The following NRXN3 variants were observed in gnomAD, a reference collection of about 807,000 sequenced individuals.
NRXN3 encodes neurexin III.
A neutral mutation model predicts 137.6 loss-of-function variants in NRXN3; 32 were observed. That is an observed-to-expected ratio of 0.23 (90% CI 0.18 to 0.31). NRXN3 has a LOEUF of 0.31. Among genes scored for constraint, NRXN3 ranks in the 10% least tolerant of loss-of-function variants. The probability of loss-of-function intolerance (pLI) is 1.00; values close to 1 mark genes in which losing one functional copy is unlikely to be tolerated. For missense variants in NRXN3, 1,574 were observed against 2,062.5 expected (o/e 0.76, Z 4.59); for synonymous variants, 798 against 784.5 (o/e 1.02, Z -0.29).
intron 15 of NRXN3, among the ~76,000 whole-genome samples, chr14:79,405,410 C>G (rs1428097046): frequency 7.9e-5 from 12 of 152,060 alleles, no homozygotes; most frequent in Admixed American, 7.9e-4. Context: ...AAGCAAGACT[C>G]TTGGGCACTT....
intron 4 of NRXN3, among the ~76,000 whole-genome samples, chr14:78,517,690 T>C (rs1383942368): frequency 6.6e-6 from 1 of 152,126 alleles, no homozygotes; most frequent in Non-Finnish European, 1.5e-5. Flanking sequence ...CAAGAAGGTG[T>C]TTTTGCCTTC....
intron 15 of NRXN3, among the ~76,000 whole-genome samples, chr14:79,125,833 A>G (rs2056322207): frequency 6.6e-6 from 1 of 152,120 alleles, no homozygotes; most frequent in African/African-American, 2.4e-5. Context: ...GTCAACTGCA[A>G]TGACACCGTA....
At chr14:78,862,020 A>G (rs927230002) in intron 10 of NRXN3, among the ~76,000 whole-genome samples, 1 of 152,168 alleles carries the variant, frequency 6.6e-6, no homozygotes, top group African/African-American at 2.4e-5. Flanking sequence ...CATGTGAACT[A>G]GAGTTTACAT....
chr14:79,744,756 T>C (rs1284826277), intron 19 of NRXN3, among the ~76,000 whole-genome samples: 1 of 152,026 alleles, frequency 6.6e-6, no homozygotes, highest in Non-Finnish European at 1.5e-5. Context: ...ATTCCTGAGT[T>C]CTAACTAGTG....
chr14:79,017,352 G>A (rs187361511), intron 15 of NRXN3, among the ~76,000 whole-genome samples: 1 of 151,572 alleles, frequency 6.6e-6, no homozygotes, highest in Admixed American at 6.6e-5. Flanking sequence ...CACTTAGAAA[G>A]ACTCATCCTA....
At chr14:78,610,814 G>A (rs79483382) in intron 4 of NRXN3, among the ~76,000 whole-genome samples, 3,141 of 152,270 alleles carry the variant, frequency 0.021, 108 homozygotes, top group East Asian at 0.18. Context: ...ACAATTACTC[G>A]GAACTCCACA....
chr14:79,183,118 C>T (rs2153139450), intron 15 of NRXN3, among the ~76,000 whole-genome samples: 1 of 152,230 alleles, frequency 6.6e-6, no homozygotes, highest in East Asian at 1.9e-4. Flanking sequence ...TGCTCTTGAT[C>T]TACTTTTATT....
At chr14:78,437,347 C>CTTTT (rs201830022) in intron 4 of NRXN3, among the ~76,000 whole-genome samples, 3 of 143,442 alleles carry the variant, frequency 2.1e-5, no homozygotes, top group Non-Finnish European at 3.1e-5. Flanking sequence ...TTTTCTTTTT[C>CTTTT]TTTTTTTTTT....
chr14:78,890,695 C>T (rs1186074248), intron 10 of NRXN3, among the ~76,000 whole-genome samples: 2 of 151,918 alleles, frequency 1.3e-5, no homozygotes, highest in East Asian at 3.9e-4. Flanking sequence ...AAGGGAAGGT[C>T]CAATCCTATA....
intron 15 of NRXN3, among the ~76,000 whole-genome samples, chr14:79,077,486 T>C (rs1023001106): frequency 3.9e-5 from 6 of 152,242 alleles, no homozygotes; most frequent in African/African-American, 1.4e-4. Context: ...CAGAATATAA[T>C]AAATTACTAT....
At chr14:78,427,449 A>G (rs1008181974) in intron 4 of NRXN3, among the ~76,000 whole-genome samples, 5 of 152,194 alleles carry the variant, frequency 3.3e-5, no homozygotes, top group Non-Finnish European at 7.3e-5. Flanking sequence ...AGTAAGTGAA[A>G]TATTTTGCCA....
intron 10 of NRXN3, among the ~76,000 whole-genome samples, chr14:78,899,859 T>C (rs553277495): frequency 1.1e-4 from 17 of 152,142 alleles, no homozygotes; most frequent in African/African-American, 3.4e-4. Flanking sequence ...TAACTTTAAC[T>C]CTCTTTTTCA....
intron 15 of NRXN3, among the ~76,000 whole-genome samples, chr14:79,414,525 A>G (rs1305558408): frequency 1.3e-5 from 2 of 152,274 alleles, no homozygotes; most frequent in Non-Finnish European, 2.9e-5. Flanking sequence ...CAATCGTAGC[A>G]AAAAATGTAG....
chr14:79,565,262 C>T (rs1401517111), intron 16 of NRXN3, among the ~76,000 whole-genome samples: 45 of 2,766 alleles, frequency 0.016, no homozygotes, highest in African/African-American at 0.035. Flanking sequence ...TATACATATA[C>T]ACATGTGTGT....
chr14:79,427,062 T>C (rs2095664433), intron 15 of NRXN3, among the ~76,000 whole-genome samples: 1 of 152,160 alleles, frequency 6.6e-6, no homozygotes, highest in Non-Finnish European at 1.5e-5. Flanking sequence ...CTGTAAGAGA[T>C]TTAACAGAAA....
intron 15 of NRXN3, among the ~76,000 whole-genome samples, chr14:79,220,599 T>G (rs1213510326): frequency 6.6e-6 from 1 of 152,186 alleles, no homozygotes; most frequent in African/African-American, 2.4e-5. Context: ...CATTCCCTCC[T>G]AACCACTGTC....
chr14:79,061,043 TAGTGGCTTATACGTAGA>T (rs1195529713), intron 15 of NRXN3, among the ~76,000 whole-genome samples: 2 of 152,182 alleles, frequency 1.3e-5, no homozygotes, highest in African/African-American at 4.8e-5. Context: ...GGCATCTACT[TAGTGGCTTATACGTAGA>T]AGTGGCTCTC....
chr14:78,283,684 T>C (rs556210830), intron 3 of NRXN3, among the ~76,000 whole-genome samples: 2 of 152,250 alleles, frequency 1.3e-5, no homozygotes, highest in East Asian at 3.9e-4. Flanking sequence ...AATTTTTGTA[T>C]TTTTAGCAGA....
intron 14 of NRXN3, among the ~76,000 whole-genome samples, chr14:78,977,451 A>G (rs1399027919): frequency 6.6e-6 from 1 of 152,072 alleles, no homozygotes. Context: ...CCCCTACATC[A>G]GTGCCTAGAA....
Sources: allele counts gnomAD v4.1 joint callset (sites outside exome capture counted in the v4.1 genomes callset), GRCh38; gene constraint gnomAD v4.1.1; transcripts MANE v1.5; gene names NCBI Gene and HGNC (gene_info 2026-07-23, HGNC 2026-07-21).